The following CDH12 variants were observed in gnomAD, a reference collection of about 807,000 sequenced individuals.
CDH12 encodes the protein cadherin 12.
A neutral mutation model predicts 74.1 loss-of-function variants in CDH12; 41 were observed. The ratio of observed to expected loss-of-function variants is 0.55; its 90% CI spans 0.43 to 0.72. The LOEUF is 0.72. CDH12 is among the 30% of genes least tolerant of loss of function. The pLI is 0.00. For missense variants in CDH12, 945 were observed against 977.2 expected, an observed-to-expected ratio of 0.97 and a Z score of 0.44; for synonymous variants, 399 against 355.0, an observed-to-expected ratio of 1.12 and a Z score of -1.39.
At chr5:22,675,334 G>T (rs1251764797) in intron 1 of CDH12, among the ~76,000 whole-genome samples, 1 of 152,210 alleles carries the variant, frequency 6.6e-6, no homozygotes, top group African/African-American at 2.4e-5. Context: ...TCCAAGTGGT[G>T]TTGAGCCTGT....
rs187244722 is a variant in CDH12 at position 22,736,226 on chromosome 5, A to G, written c.-523+116832T>C. Among the ~76,000 whole-genome samples, 5 of 151,814 alleles carry G rather than the reference A, an allele frequency of 3.3e-5. No individual in the cohort carries two copies. The East Asian group carries it at 9.7e-4, about 29-fold the overall frequency. On this transcript the variant is annotated intron_variant, in intron 1 of 14. Coordinates refer to ENST00000382254, the MANE Select transcript of CDH12 (RefSeq NM_004061.5). ...TTAACAAATTTTAAACCATTAATTA[A>G]TTAGTGTATACTTTAAAATTGAGAT...
chr5:22,663,205 G>T (rs183615764), intron 1 of CDH12, among the ~76,000 whole-genome samples: 1 of 152,208 alleles, frequency 6.6e-6, no homozygotes, highest in African/African-American at 2.4e-5. Flanking sequence ...AAAGACAAAT[G>T]TAAGAAATGA....
chr5:22,311,027 C>A (rs1487247481), intron 3 of CDH12, among the ~76,000 whole-genome samples: 1 of 152,150 alleles, frequency 6.6e-6, no homozygotes. Context: ...TTACTGCCAG[C>A]TCTTTAACAT....
At chr5:22,553,596 T>C (rs941983470) in intron 1 of CDH12, among the ~76,000 whole-genome samples, 1 of 152,034 alleles carries the variant, frequency 6.6e-6, no homozygotes, top group Non-Finnish European at 1.5e-5. Flanking sequence ...GAAAAAAAAC[T>C]AAACAACGCT....
At chr5:22,188,556 G>C (rs182414814) in intron 4 of CDH12, among the ~76,000 whole-genome samples, 2 of 152,268 alleles carry the variant, frequency 1.3e-5, no homozygotes, top group Admixed American at 6.5e-5. Context: ...AATAGAAATG[G>C]AGAAAATAAG....
chr5:21,900,547 A>C (rs1048403370), intron 6 of CDH12, among the ~76,000 whole-genome samples: 2 of 152,188 alleles, frequency 1.3e-5, no homozygotes, highest in Admixed American at 1.3e-4. Flanking sequence ...TCATTAAAAA[A>C]CTGGTAGTGA....
intron 3 of CDH12, among the ~76,000 whole-genome samples, chr5:22,380,425 C>T (rs1224236426): frequency 2.0e-5 from 3 of 152,004 alleles, no homozygotes; most frequent in Non-Finnish European, 4.4e-5. Context: ...ACACAAAATG[C>T]CTTTTTTAAC....
chr5:21,987,207 C>T (rs1368554425), intron 5 of CDH12, among the ~76,000 whole-genome samples: 1 of 151,770 alleles, frequency 6.6e-6, no homozygotes, highest in Admixed American at 6.6e-5. Context: ...AAAATCAAAT[C>T]AATTACGATA....
At chr5:22,569,864 T>A (rs1739460936) in intron 1 of CDH12, among the ~76,000 whole-genome samples, 2 of 152,128 alleles carry the variant, frequency 1.3e-5, no homozygotes, top group African/African-American at 2.4e-5. Context: ...ATCAACTTCT[T>A]CCAAACTTGT....
At chr5:21,996,036 C>T (rs2150139689) in intron 5 of CDH12, among the ~76,000 whole-genome samples, 1 of 150,634 alleles carries the variant, frequency 6.6e-6, no homozygotes, top group Admixed American at 6.6e-5. Context: ...ATTTATTGAC[C>T]TTCTCATAAG....
chr5:22,446,461 T>A (rs1744821193), intron 2 of CDH12, among the ~76,000 whole-genome samples: 1 of 152,122 alleles, frequency 6.6e-6, no homozygotes, highest in Non-Finnish European at 1.5e-5. Flanking sequence ...AAAATGAGAC[T>A]GAAAATCTTC....
chr5:21,802,359 A>G lies in CDH12; in HGVS notation c.1064T>C (p.Leu355Pro). 1 of 1,613,818 alleles carries G rather than the reference A, an allele frequency of 6.2e-7. No homozygotes were observed. The highest frequency in any genetic ancestry group is 8.5e-7 in the Non-Finnish European group (1 of 1,179,904). Residue 355 changes from leucine (L) to proline (P), a missense_variant, in exon 10 of 15, where the codon CTT (leucine) becomes CCT (proline). Leu to Pro is a moderately conservative substitution (Grantham distance 98). Around this residue, in one of 3 missense-constraint regions of CDH12, gnomAD observed 791 missense variants for 792.8 expected, o/e 1.00. Transcript: ENST00000382254. ...GCCCGCCGAGTGAAACCGGTGGTCAAGGTGAAGGTTGGAAGCCTCAACTTT... is the reference window on the plus strand; with the variant it reads ...GCCCGCCGAGTGAAACCGGTGGTCAGGGTGAAGGTTGGAAGCCTCAACTTT... The part of the protein sequence containing the change: ...TFKVEASNLH[L>P]DHRFHSAGPF...
At position 22,555,328 on chromosome 5, in the gene CDH12, A is replaced by G. The variant is rs566103623; in HGVS notation, c.-522-49964T>C. On this transcript the variant is annotated intron_variant, in intron 1 of 14. Transcript: ENST00000382254. ...AAATAATCAAAGATAAATAAACTCA[A>G]TACTTCCAAACTGAATCTTTCTTGT... Among the ~76,000 whole-genome samples, 5 of 152,214 alleles carry G rather than the reference A, an allele frequency of 3.3e-5. No individual in the cohort carries two copies. In the East Asian group the frequency reaches 5.8e-4, roughly 18 times the overall value.
chr5:22,250,027 A>T (rs932011506), intron 3 of CDH12, among the ~76,000 whole-genome samples: 31 of 152,138 alleles, frequency 2.0e-4, no homozygotes, highest in Non-Finnish European at 4.3e-4. Flanking sequence ...ATTAAAAAAA[A>T]AATGTAGGCT....
At chr5:22,288,741 C>A (rs1244353503) in intron 3 of CDH12, among the ~76,000 whole-genome samples, 1 of 152,068 alleles carries the variant, frequency 6.6e-6, no homozygotes, top group East Asian at 1.9e-4. Flanking sequence ...AGACAGTAGT[C>A]ATTTTTTCCT....
chr5:22,011,987 T>C (rs1038157897), intron 5 of CDH12, among the ~76,000 whole-genome samples: 11 of 152,110 alleles, frequency 7.2e-5, no homozygotes, highest in African/African-American at 2.7e-4. Flanking sequence ...CTGACTTTTA[T>C]CTCAAAAGAG....
chr5:22,215,097 A>G (rs1230540351), intron 3 of CDH12, among the ~76,000 whole-genome samples: 1 of 152,194 alleles, frequency 6.6e-6, no homozygotes, highest in African/African-American at 2.4e-5. Flanking sequence ...CTATCCATGA[A>G]CCCCTTAGTC....
chr5:22,343,466 G>A (rs186556366), intron 3 of CDH12, among the ~76,000 whole-genome samples: 1 of 152,248 alleles, frequency 6.6e-6, no homozygotes, highest in East Asian at 1.9e-4. Flanking sequence ...CACTCAGGCT[G>A]GAGTGCAGTG....
At chr5:22,476,022 T>G (rs1389647361) in intron 2 of CDH12, among the ~76,000 whole-genome samples, 1 of 152,058 alleles carries the variant, frequency 6.6e-6, no homozygotes, top group African/African-American at 2.4e-5. Context: ...AATGTAAGCA[T>G]TCACCTGTAT....
Sources: allele counts gnomAD v4.1 joint callset (sites outside exome capture counted in the v4.1 genomes callset), GRCh38; gene constraint gnomAD v4.1.1; regional missense constraint gnomAD v4.1.1; transcripts MANE v1.5; gene names NCBI Gene and HGNC (gene_info 2026-07-23, HGNC 2026-07-21).